Variants in RPS21 observed in about 807,000 individuals in gnomAD.
RPS21 encodes the protein ribosomal protein S21, also known as small ribosomal subunit protein eS21.
A neutral mutation model predicts 14.5 loss-of-function variants in RPS21; 6 were observed. The ratio of observed to expected loss-of-function variants is 0.41; its 90% confidence interval spans 0.23 to 0.82. The LOEUF is 0.82. Ranked by LOEUF, RPS21 falls within the 40% of genes least tolerant of loss-of-function variation. The probability of loss-of-function intolerance (pLI) is 0.31; values close to 1 mark genes in which losing one functional copy is unlikely to be tolerated. For synonymous variants in RPS21, 61 were observed against 42.6 expected, an observed-to-expected ratio of 1.43 and a Z score of -1.69; for missense variants, 85 against 115.0, an observed-to-expected ratio of 0.74 and a Z score of 1.19.
chr20:62,387,571 C>T (rs771339461), intron 2 of RPS21, 40 bp from the exon 3 acceptor site: 9 of 1,596,704 alleles, frequency 5.6e-6, no homozygotes, highest in Non-Finnish European at 7.7e-6. Flanking sequence ...TCATTCTTAC[C>T]GCCCAAGTCC....
chr20:62,387,509 C>T (rs913234932), intron 2 of RPS21, 102 bp from the exon 3 acceptor site: 3 of 1,587,766 alleles, frequency 1.9e-6, no homozygotes, highest in South Asian at 1.1e-5. Context: ...TGTCCTGCCC[C>T]CGACGTTACT....
At chr20:62,387,947 C>T in intron 4 of RPS21, 33 bp downstream of exon 4, 1 of 1,614,206 alleles carries the variant, frequency 6.2e-7, no homozygotes, top group Non-Finnish European at 8.5e-7. Flanking sequence ...CTCATCACTT[C>T]GGGACATCGT....
chr20:62,387,233 C>T lies in RPS21; in HGVS notation c.-18-88C>T, dbSNP rs1022838160. 29 of 957,046 alleles carry T rather than the reference C, an allele frequency of 3.0e-5. No individual in the cohort carries two copies. The African/African-American group carries it at 3.9e-4, about 13-fold the overall frequency. The allele number at this position is 957,046 out of a possible 1,614,324, so 59.3% of individuals were successfully genotyped here. A position where few individuals can be genotyped will look rare whatever the true frequency, so the allele number is the denominator to read the frequency against. ...ACGGGGTGCGGGGTGCTGGGTGCGG[C>T]TGGGGCCGTGACCCTAGGGGCCGGT... On this transcript the variant is annotated intron_variant, in intron 1 of 5. Transcript: ENST00000343986.
chr20:62,388,503 A>G lies in RPS21; in HGVS notation c.*37A>G, dbSNP rs199998702. On this transcript the variant is annotated 3_prime_UTR_variant, in exon 6 of 6. Coordinates refer to ENST00000343986, the MANE Select transcript of RPS21 (RefSeq NM_001024.4). Reference sequence around the variant, plus strand: ...CACAGATGTGGAATATTTGTCATAAATAAATAATGAAAACCTACCTGTGCA... The same window carrying G: ...CACAGATGTGGAATATTTGTCATAAGTAAATAATGAAAACCTACCTGTGCA... The G allele has an allele frequency of 1.9e-6, 3 of 1,609,220 alleles. No individual in the cohort carries two copies. In the African/African-American group the frequency reaches 4.0e-5, roughly 21 times the overall value.
chr20:62,387,520 CTT>C (rs1031960737), intron 2 of RPS21, 89 bp from the exon 3 acceptor site: 11 of 1,587,520 alleles, frequency 6.9e-6, no homozygotes, highest in Non-Finnish European at 9.5e-6. Flanking sequence ...CGACGTTACT[CTT>C]TTCCATTCAT....
intron 4 of RPS21, 117 bp from the exon 5 acceptor site, chr20:62,388,192 G>T: frequency 6.9e-7 from 1 of 1,459,668 alleles, no homozygotes; most frequent in South Asian, 1.3e-5. Context: ...CCCCTTCTGC[G>T]CCTGTCTCCA....
Position 62,388,361 on chromosome 20 carries a change from CAAAGT to C in RPS21, c.242_242+4del. 6.2e-7 allele frequency: 1 copy of C among 1,605,536 alleles called. No homozygotes were observed. Among genetic ancestry groups the C allele is most frequent in the African/African-American group, 1.3e-5 (1 of 74,220 alleles). On this transcript the variant is annotated splice_donor_variant and coding_sequence_variant, in exon 5 of 6. Coordinates refer to ENST00000343986, the MANE Select transcript of RPS21 (RefSeq NM_001024.4). LOFTEE classifies it high-confidence loss of function. ...TTGGCCAAGGCCGATGGCATCGTCT[CAAAGT>C]AAGGTTGGGGGCTCACATTTGGGCA...
rs768001489 is a variant in RPS21 at position 62,387,713 on chromosome 20, A to G, written c.114+39A>G. 11 of 1,614,062 alleles carry G rather than the reference A, an allele frequency of 6.8e-6. No homozygotes were observed. In the African/African-American group the frequency reaches 1.5e-4, roughly 22 times the overall value. On this transcript the variant is annotated intron_variant, in intron 3 of 5. Coordinates refer to ENST00000343986, the MANE Select transcript of RPS21 (RefSeq NM_001024.4). The stretch of plus-strand genomic sequence containing the variant: ...CCGGGAGGCGGGAAGGTTGTGATAT[A>G]TGTGCGGGAAAGGCAGGCTGTCCCA...
chr20:62,387,712 T>C (rs371419428), intron 3 of RPS21, 38 bp downstream of exon 3: 25 of 1,613,994 alleles, frequency 1.5e-5, no homozygotes, highest in Middle Eastern at 1.6e-4. Context: ...GGTTGTGATA[T>C]ATGTGCGGGA....
At chr20:62,388,200 C>G (rs1260540650) in intron 4 of RPS21, 109 bp from the exon 5 acceptor site, 3 of 1,462,390 alleles carry the variant, frequency 2.1e-6, no homozygotes, top group South Asian at 2.6e-5. Context: ...GCGCCTGTCT[C>G]CATTCGCTCA....
chr20:62,387,640 A>G lies in RPS21; in HGVS notation c.80A>G (p.Lys27Arg). The change falls in exon 3 of 6, where the codon AAG becomes AGG. Residue 27 changes from lysine to arginine, a missense_variant. By Grantham distance (26) the Lys-to-Arg change is conservative. Coordinates refer to ENST00000343986, the MANE Select transcript of RPS21 (RefSeq NM_001024.4). The stretch of plus-strand genomic sequence containing the variant: ...GCTAGCAATCGCATCATCGGTGCCA[A>G]GGACCACGCATCCATCCAGATGAAC... The part of the protein sequence containing the change: ...CSASNRIIGA[K>R]DHASIQMNVA... The G allele has an allele frequency of 6.2e-7, 1 of 1,613,936 alleles. No individual in the cohort carries two copies. Among genetic ancestry groups the G allele is most frequent in the Non-Finnish European group, 8.5e-7 (1 of 1,179,928 alleles).
chr20:62,387,615 G>C lies in RPS21; in HGVS notation c.55G>C (p.Ala19Pro). The change falls in exon 3 of 6, where the codon GCT becomes CCT. Residue 19 changes from alanine to proline, a missense_variant. Ala to Pro is a conservative substitution (Grantham distance 27, BLOSUM62 -1). Transcript: ENST00000343986. The stretch of plus-strand genomic sequence containing the variant: ...CACTGCGCCCTTTCTCCACAGCTCC[G>C]CTAGCAATCGCATCATCGGTGCCAA... Reference protein sequence around the residue: ...VDLYVPRKCSASNRIIGAKDH... With the variant: ...VDLYVPRKCSPSNRIIGAKDH... 2 of 1,612,262 alleles carry C rather than the reference G, an allele frequency of 1.2e-6. No homozygotes were observed. The highest frequency in any genetic ancestry group is 1.7e-6 in the Non-Finnish European group (2 of 1,178,836).
At chr20:62,387,477 T>A (rs1987774318) in intron 2 of RPS21, 89 bp downstream of exon 2, 1 of 1,589,442 alleles carries the variant, frequency 6.3e-7, no homozygotes, top group African/African-American at 1.3e-5. Flanking sequence ...CCTCCCGTCC[T>A]TACCTCGTCA....
chr20:62,388,365 G>C lies in RPS21; in HGVS notation c.242+1G>C, dbSNP rs1306575778. On this transcript the variant is annotated splice_donor_variant, in intron 5 of 5. Coordinates refer to ENST00000343986, the MANE Select transcript of RPS21 (RefSeq NM_001024.4). LOFTEE classifies it high-confidence loss of function. ...CCAAGGCCGATGGCATCGTCTCAAA[G>C]TAAGGTTGGGGGCTCACATTTGGGC... is the stretch of plus-strand genomic sequence containing the variant. 1 of 1,606,590 alleles carries C rather than the reference G, an allele frequency of 6.2e-7. No homozygotes were observed. Among genetic ancestry groups the C allele is most frequent in the Non-Finnish European group, 8.5e-7 (1 of 1,178,068 alleles).
chr20:62,387,770 G>T, intron 3 of RPS21, 73 bp from the exon 4 acceptor site: 1 of 1,613,902 alleles, frequency 6.2e-7, no homozygotes, highest in East Asian at 2.2e-5. Context: ...GAAGGTACAG[G>T]CAGAGGCTGG....
chr20:62,387,582 C>T (rs752290731), intron 2 of RPS21, 29 bp from the exon 3 acceptor site: 47 of 1,606,074 alleles, frequency 2.9e-5, no homozygotes, highest in African/African-American at 4.0e-5. Flanking sequence ...GCCCAAGTCC[C>T]CTCTGCTCAC....
chr20:62,387,119 G>A lies in RPS21; in HGVS notation c.-36G>A, dbSNP rs1221967599. 2 of 470,910 alleles carry A rather than the reference G, an allele frequency of 4.2e-6. No individual in the cohort carries two copies. Among genetic ancestry groups the A allele is most frequent in the Admixed American group, 4.4e-5 (1 of 22,770 alleles). The allele number at this position is 470,910 out of a possible 1,614,324, so 29.2% of individuals were successfully genotyped here. On this transcript the variant is annotated 5_prime_UTR_variant, in exon 1 of 6. Coordinates refer to ENST00000343986, the MANE Select transcript of RPS21 (RefSeq NM_001024.4). ...TAGCTGCTTCCTTTCTCTCTCGCGC[G>A]CGGTGTGGTGGCAGCAGGTGTGGCG...
intron 4 of RPS21, 33 bp downstream of exon 4, chr20:62,387,947 C>G (rs775227119): frequency 6.2e-7 from 1 of 1,614,206 alleles, no homozygotes; most frequent in Non-Finnish European, 8.5e-7. Context: ...CTCATCACTT[C>G]GGGACATCGT....
chr20:62,388,258 C>T, intron 4 of RPS21, 51 bp from the exon 5 acceptor site: 2 of 1,558,158 alleles, frequency 1.3e-6, no homozygotes, highest in Non-Finnish European at 1.7e-6. Context: ...TCTGCCATCT[C>T]AGGCAGCCGG....
Sources: allele counts gnomAD v4.1 joint callset, GRCh38; gene constraint gnomAD v4.1.1; transcripts MANE v1.5; gene names NCBI Gene and HGNC (gene_info 2026-07-23, HGNC 2026-07-21).